NCOA2: variants seen among roughly 807,000 people sequenced by gnomAD.
The protein encoded by NCOA2 is nuclear receptor coactivator 2, also known as class E basic helix-loop-helix protein 75.
In NCOA2, 21 loss-of-function variants were observed where a neutral mutation model predicts 145.1. The ratio of observed to expected loss-of-function variants is 0.14; its 90% CI spans 0.10 to 0.21. NCOA2 has a LOEUF of 0.21. Among genes scored for constraint, NCOA2 ranks in the 10% least tolerant of loss-of-function variants. The probability of loss-of-function intolerance (pLI) is 1.00; values close to 1 mark genes in which losing one functional copy is unlikely to be tolerated. For synonymous variants in NCOA2, 619 were observed against 637.5 expected (o/e 0.97, Z 0.44); for missense variants, 1,472 against 1,837.6 (o/e 0.80, Z 3.64).
chr8:70,116,822 T>G (rs951267552), intron 22 of NCOA2, among the ~76,000 whole-genome samples: 1 of 152,152 alleles, frequency 6.6e-6, no homozygotes, highest in African/African-American at 2.4e-5. Flanking sequence ...AGAGGGGGAC[T>G]AGAAAAAAAC....
chr8:70,318,104 A>C (rs79412252), intron 1 of NCOA2, among the ~76,000 whole-genome samples: 4,991 of 152,272 alleles, frequency 0.033, 271 homozygotes, highest in African/African-American at 0.11. Flanking sequence ...GTCTTATAAA[A>C]GTTAGGCCCT....
At chr8:70,384,316 C>A (rs531682034) in intron 1 of NCOA2, among the ~76,000 whole-genome samples, 33 of 151,376 alleles carry the variant, frequency 2.2e-4, no homozygotes, top group Non-Finnish European at 4.1e-4. Flanking sequence ...CCCAACCATT[C>A]TTCGCAAGAG....
At chr8:70,271,251 T>C (rs967689517) in intron 2 of NCOA2, among the ~76,000 whole-genome samples, 3 of 152,214 alleles carry the variant, frequency 2.0e-5, no homozygotes, top group African/African-American at 2.4e-5. Context: ...TGCTATGTCT[T>C]TGAGTTAACA....
chr8:70,289,930 C>A (rs922266343), intron 2 of NCOA2, among the ~76,000 whole-genome samples: 1 of 152,064 alleles, frequency 6.6e-6, no homozygotes, highest in Non-Finnish European at 1.5e-5. Flanking sequence ...AACTCTTGGG[C>A]TCAAGCAATC....
the NCOA2 span, among the ~76,000 whole-genome samples, chr8:70,447,725 C>T: frequency 1.4e-5 from 2 of 141,472 alleles, no homozygotes; most frequent in African/African-American, 5.4e-5. Context: ...CACTCTGTCA[C>T]CCAGGCTGGA....
chr8:70,260,081 C>A (rs541508150), intron 2 of NCOA2, among the ~76,000 whole-genome samples: 1 of 152,264 alleles, frequency 6.6e-6, no homozygotes, highest in South Asian at 2.1e-4. Flanking sequence ...CCCTCCTTAA[C>A]AAAGTTAAAG....
chr8:70,390,916 G>C (rs918818977), intron 1 of NCOA2, among the ~76,000 whole-genome samples: 3 of 152,170 alleles, frequency 2.0e-5, no homozygotes, highest in Admixed American at 6.5e-5. Flanking sequence ...ACCTATGAAT[G>C]ATTTTTACAT....
At chr8:70,232,417 G>A (rs1821218682) in intron 2 of NCOA2, among the ~76,000 whole-genome samples, 1 of 152,200 alleles carries the variant, frequency 6.6e-6, no homozygotes, top group Non-Finnish European at 1.5e-5. Context: ...AGTCCTGCCT[G>A]TCAATCCTTT....
intron 14 of NCOA2, among the ~76,000 whole-genome samples, chr8:70,140,593 GTTTTT>G (rs71558582): frequency 1.0e-4 from 8 of 79,784 alleles, no homozygotes; most frequent in South Asian, 5.3e-4. Context: ...TACCACCTAA[GTTTTT>G]TTTTTTTTTT....
chr8:70,205,993 C>T (rs1018621040), intron 4 of NCOA2, among the ~76,000 whole-genome samples: 1 of 152,166 alleles, frequency 6.6e-6, no homozygotes, highest in African/African-American at 2.4e-5. Flanking sequence ...TGATTCACCT[C>T]CCCCACCCTC....
At chr8:70,334,453 C>T (rs1807389517) in intron 1 of NCOA2, among the ~76,000 whole-genome samples, 1 of 152,188 alleles carries the variant, frequency 6.6e-6, no homozygotes, top group Non-Finnish European at 1.5e-5. Context: ...GCTCCTACTT[C>T]TTTAGGACCT....
chr8:70,330,032 T>TTA (rs145875333), intron 1 of NCOA2, among the ~76,000 whole-genome samples: 6,917 of 152,152 alleles, frequency 0.045, 263 homozygotes, highest in East Asian at 0.16. Flanking sequence ...ACATACATAT[T>TTA]TATATATATA....
intron 2 of NCOA2, among the ~76,000 whole-genome samples, chr8:70,220,542 T>C (rs757085902): frequency 3.9e-5 from 6 of 152,206 alleles, no homozygotes; most frequent in Non-Finnish European, 5.9e-5. Context: ...AGGGAAGAGT[T>C]ATAGCCTTAC....
intron 1 of NCOA2, among the ~76,000 whole-genome samples, chr8:70,371,050 G>C (rs1174331922): frequency 6.6e-6 from 1 of 152,158 alleles, no homozygotes; most frequent in African/African-American, 2.4e-5. Context: ...CACTTTGGGA[G>C]GCCGAGTCGG....
At position 70,156,953 on chromosome 8, in the gene NCOA2, G is replaced by A. The variant is rs1563540051; in HGVS notation, c.1412C>T (p.Ser471Leu). ...TGGATTCATGCCAGGGCTGCTTTGT[G>A]AGGGGCTGTTCATTTTGAGTGCATA... Reference protein sequence around the residue: ...SNYALKMNSPSQSSPGMNPGQ... With the variant: ...SNYALKMNSPLQSSPGMNPGQ... Residue 471 changes from serine to leucine, a missense_variant, in exon 11 of 23, where the codon TCA (serine) becomes TTA (leucine). Physicochemically the swap from Ser to Leu is moderately radical, Grantham distance 145. Around this residue, in one of 4 missense-constraint regions of NCOA2, gnomAD observed 953 missense variants for 1,062.1 expected, o/e 0.90. Coordinates refer to ENST00000452400, the MANE Select transcript of NCOA2 (RefSeq NM_006540.4). The A allele has an allele frequency of 6.2e-7, 1 of 1,614,080 alleles. No homozygotes were observed. Among genetic ancestry groups the A allele is most frequent in the Non-Finnish European group, 8.5e-7 (1 of 1,179,898 alleles).
chr8:70,438,810 T>C, the NCOA2 span, among the ~76,000 whole-genome samples: 1 of 152,218 alleles, frequency 6.6e-6, no homozygotes, highest in Admixed American at 6.5e-5. Flanking sequence ...TAGAATTTAG[T>C]TGAAGGCTCA....
chr8:70,167,764 A>G (rs113920351), intron 6 of NCOA2, among the ~76,000 whole-genome samples: 84 of 152,348 alleles, frequency 5.5e-4, no homozygotes, highest in African/African-American at 1.9e-3. Flanking sequence ...GAAAGAGAGG[A>G]AAGACAACAA....
At chr8:70,253,919 C>T (rs1326863733) in intron 2 of NCOA2, among the ~76,000 whole-genome samples, 4 of 152,010 alleles carry the variant, frequency 2.6e-5, no homozygotes, top group Admixed American at 6.6e-5. Context: ...TAAAAATTTT[C>T]GGGCATCAAA....
intron 9 of NCOA2, among the ~76,000 whole-genome samples, chr8:70,161,291 G>C (rs1812970720): frequency 6.6e-6 from 1 of 152,148 alleles, no homozygotes; most frequent in Admixed American, 6.5e-5. Flanking sequence ...CAGGACCCAA[G>C]GATGCTGAAC....
Sources: gnomAD v4.1 joint callset for allele counts (sites outside exome capture counted in the v4.1 genomes callset) on GRCh38, gnomAD v4.1.1 for gene constraint, gnomAD v4.1.1 regional missense constraint, MANE v1.5 for transcripts, NCBI Gene and HGNC (gene_info 2026-07-23, HGNC 2026-07-21) for gene names.